The following REDIC1 variants were observed in gnomAD, a reference collection of about 807,000 sequenced individuals.
The protein encoded by REDIC1 is regulator of DNA class I crossover intermediates 1, also known as HEI10 Interacting Protein 1.
At chr12:39,627,409 T>G in the REDIC1 span, among the ~76,000 whole-genome samples, 1 of 152,228 alleles carries the variant, frequency 6.6e-6, no homozygotes, top group Non-Finnish European at 1.5e-5. Flanking sequence ...TTTAAAATAT[T>G]AAATAGGATT....
the REDIC1 span, among the ~76,000 whole-genome samples, chr12:39,675,802 T>C: frequency 6.6e-6 from 1 of 152,140 alleles, no homozygotes; most frequent in Admixed American, 6.5e-5. Flanking sequence ...TTGTAGACAT[T>C]ACCCAGCACC....
chr12:39,794,663 T>A, the REDIC1 span, among the ~76,000 whole-genome samples: 2 of 152,176 alleles, frequency 1.3e-5, no homozygotes, highest in Non-Finnish European at 2.9e-5. Context: ...GTACATCACT[T>A]TCCTTTTTCT....
the REDIC1 span, chr12:39,647,821 T>G: frequency 6.2e-7 from 1 of 1,600,182 alleles, no homozygotes; most frequent in Non-Finnish European, 8.5e-7. Flanking sequence ...ATAGTATGCT[T>G]CACCCTCAGT....
the REDIC1 span, among the ~76,000 whole-genome samples, chr12:39,702,286 T>A: frequency 0.018 from 2,723 of 152,142 alleles, 79 homozygotes; most frequent in African/African-American, 0.061. Context: ...CAAACTACCA[T>A]CAGAGAATAC....
chr12:39,673,750 G>A, the REDIC1 span, among the ~76,000 whole-genome samples: 1 of 151,964 alleles, frequency 6.6e-6, no homozygotes, highest in Non-Finnish European at 1.5e-5. Context: ...CCAACACAAG[G>A]CATCCCATCA....
At chr12:39,810,034 GC>G in the REDIC1 span, among the ~76,000 whole-genome samples, 2 of 152,150 alleles carry the variant, frequency 1.3e-5, no homozygotes, top group Non-Finnish European at 2.9e-5. Flanking sequence ...TAATGGGATG[GC>G]TGGGGCAAAT....
chr12:39,785,188 A>T, the REDIC1 span, among the ~76,000 whole-genome samples: 2 of 152,190 alleles, frequency 1.3e-5, no homozygotes, highest in South Asian at 2.1e-4. Flanking sequence ...CCATCACAGG[A>T]CCGGAGGCCC....
chr12:39,797,773 C>CAT, the REDIC1 span, among the ~76,000 whole-genome samples: 1 of 152,030 alleles, frequency 6.6e-6, no homozygotes. Context: ...CACACACACA[C>CAT]ACATACACGG....
the REDIC1 span, among the ~76,000 whole-genome samples, chr12:39,881,743 T>C: frequency 0.014 from 2,087 of 152,242 alleles, 34 homozygotes; most frequent in African/African-American, 0.047. Flanking sequence ...ATATTTTAGA[T>C]ACCTCTGGGC....
At chr12:39,874,813 A>C in the REDIC1 span, among the ~76,000 whole-genome samples, 3 of 152,194 alleles carry the variant, frequency 2.0e-5, no homozygotes, top group African/African-American at 7.2e-5. Context: ...TACTCTGGTG[A>C]GAGCCAAGTG....
the REDIC1 span, among the ~76,000 whole-genome samples, chr12:39,702,884 A>G: frequency 6.6e-6 from 1 of 152,098 alleles, no homozygotes; most frequent in African/African-American, 2.4e-5. Context: ...CAATTCAACA[A>G]CCTTCATGCT....
At chr12:39,737,926 T>C in the REDIC1 span, among the ~76,000 whole-genome samples, 1 of 152,188 alleles carries the variant, frequency 6.6e-6, no homozygotes, top group Non-Finnish European at 1.5e-5. Context: ...ATAGAAAGAA[T>C]CTACCAAAAT....
the REDIC1 span, among the ~76,000 whole-genome samples, chr12:39,753,296 G>C: frequency 6.6e-6 from 1 of 152,242 alleles, no homozygotes; most frequent in African/African-American, 2.4e-5. Flanking sequence ...CAGCCAATTA[G>C]AGAGGGTTAA....
At chr12:39,905,557 G>T in the REDIC1 span, among the ~76,000 whole-genome samples, 3 of 151,916 alleles carry the variant, frequency 2.0e-5, no homozygotes, top group Non-Finnish European at 4.4e-5. Context: ...AGTAAATAAG[G>T]CATTTTGAAT....
chr12:39,684,369 G>A, the REDIC1 span: 4 of 596,510 alleles, frequency 6.7e-6, no homozygotes, highest in Non-Finnish European at 8.4e-6. Context: ...TTTCTGGTTG[G>A]AAATCATGAA....
At chr12:39,677,905 AC>A in the REDIC1 span, among the ~76,000 whole-genome samples, 3 of 152,156 alleles carry the variant, frequency 2.0e-5, no homozygotes, top group Non-Finnish European at 4.4e-5. Context: ...AGTTGTAGTG[AC>A]AAAACCTATC....
chr12:39,775,677 A>G, the REDIC1 span, among the ~76,000 whole-genome samples: 1 of 152,254 alleles, frequency 6.6e-6, no homozygotes, highest in East Asian at 1.9e-4. Context: ...AGTGGGTAAG[A>G]TATCAAACTA....
the REDIC1 span, among the ~76,000 whole-genome samples, chr12:39,678,011 T>TCAC: frequency 6.6e-6 from 1 of 151,930 alleles, no homozygotes; most frequent in African/African-American, 2.4e-5. Flanking sequence ...AAATAGACAA[T>TCAC]CTAAGGTCAC....
chr12:39,843,999 G>A, the REDIC1 span, among the ~76,000 whole-genome samples: 1 of 151,866 alleles, frequency 6.6e-6, no homozygotes, highest in African/African-American at 2.4e-5. Context: ...AGGTCATAGA[G>A]CTTTACCAAA....
Sources: allele counts gnomAD v4.1 joint callset (sites outside exome capture counted in the v4.1 genomes callset), GRCh38; gene constraint gnomAD v4.1.1; transcripts MANE v1.5; gene names NCBI Gene and HGNC (gene_info 2026-07-23, HGNC 2026-07-21).